Variants in DOCK9 observed in about 807,000 individuals in gnomAD.
The protein encoded by DOCK9 is dedicator of cytokinesis 9.
In DOCK9, 89 loss-of-function variants were observed where a neutral mutation model predicts 263.3. The ratio of observed to expected loss-of-function variants is 0.34; its 90% CI spans 0.28 to 0.40. DOCK9 has a LOEUF of 0.40. Among genes scored for constraint, DOCK9 ranks in the 10% least tolerant of loss-of-function variants. DOCK9 has a pLI of 1.00. For missense variants in DOCK9, 2,140 were observed against 2,603.4 expected, an observed-to-expected ratio of 0.82 and a Z score of 3.87; for synonymous variants, 976 against 973.1, an observed-to-expected ratio of 1.00 and a Z score of -0.06.
At chr13:98,933,980 C>T (rs1268561574) in intron 2 of DOCK9, among the ~76,000 whole-genome samples, 4 of 152,006 alleles carry the variant, frequency 2.6e-5, no homozygotes, top group East Asian at 3.9e-4. Context: ...TCAGTGCAAC[C>T]TTGCCGTTCT....
chr13:98,807,348 T>A (rs2090846389), intron 48 of DOCK9, among the ~76,000 whole-genome samples: 1 of 152,188 alleles, frequency 6.6e-6, no homozygotes, highest in African/African-American at 2.4e-5. Context: ...CAGGAAGAGG[T>A]GCAGTGAGTA....
rs1277987864 is a variant in DOCK9 at position 98,888,693 on chromosome 13, C to T, written c.1728G>A (p.Lys576=). The T allele has an allele frequency of 6.8e-6, 11 of 1,613,668 alleles. No homozygotes were observed. The highest frequency in any genetic ancestry group is 8.5e-6 in the Non-Finnish European group (10 of 1,179,780). ...ADFRKPEKMA[K]LPVILGNLDI... ...CTAGATTGCCTAAAATCACTGGGAG[C>T]TTAGCCATCTTCTCAGGTCTGCAAA... The change falls in exon 16 of 53, where the codon AAG becomes AAA. Residue 576 remains lysine (K), a synonymous_variant. Transcript: ENST00000682017.
intron 9 of DOCK9, among the ~76,000 whole-genome samples, chr13:98,911,859 TACATTAAAAAAACAC>T (rs1388530799): frequency 6.9e-6 from 1 of 144,156 alleles, no homozygotes; most frequent in African/African-American, 2.6e-5. Flanking sequence ...TCAATTCTAT[TACATTAAAAAAACAC>T]TTTTTTTTTT....
At chr13:98,975,235 T>C (rs956656949) in intron 1 of DOCK9, among the ~76,000 whole-genome samples, 1 of 151,462 alleles carries the variant, frequency 6.6e-6, no homozygotes, top group Admixed American at 6.6e-5. Flanking sequence ...AAAAATTAGC[T>C]GGGCATGGTG....
intron 2 of DOCK9, among the ~76,000 whole-genome samples, chr13:98,947,955 T>C (rs922637830): frequency 2.1e-4 from 32 of 152,322 alleles, no homozygotes; most frequent in South Asian, 6.2e-4. Flanking sequence ...AAAGAACACT[T>C]TTCAATAAAA....
At chr13:98,861,700 A>C (rs1418949551) in intron 32 of DOCK9, among the ~76,000 whole-genome samples, 1 of 152,252 alleles carries the variant, frequency 6.6e-6, no homozygotes, top group Non-Finnish European at 1.5e-5. Flanking sequence ...CAATCATATG[A>C]AAGGTACCAG....
In DOCK9 at chr13:98,796,341, G is replaced by A. The variant is rs568767439; in HGVS notation, c.6156+774C>T. ...ATAGGATCACTCCACAAACGGCCCT[G>A]GCTTCCACTGTGCCAGACTGAAGGA... On this transcript the variant is annotated intron_variant, in intron 52 of 52. Transcript: ENST00000682017. 1.7e-5 allele frequency: 13 copies of A among 760,900 alleles called. No individual in the cohort carries two copies. The East Asian group carries it at 2.7e-4, about 16-fold the overall frequency. 47.1% of individuals were successfully genotyped at this position (760,900 alleles called of 1,614,324 possible). A position where few individuals can be genotyped will look rare whatever the true frequency, so the allele number is the denominator to read the frequency against.
Position 98,824,518 on chromosome 13 carries a change from A to G in DOCK9, c.5024-14T>C, listed in dbSNP as rs1474890814. 1.9e-6 allele frequency: 3 copies of G among 1,611,596 alleles called. No homozygotes were observed. Among genetic ancestry groups the G allele is most frequent in the Non-Finnish European group, 1.7e-6 (2 of 1,178,034 alleles). Reference sequence around the variant, plus strand: ...GTCTAAACACGCCTAGGAAGAGAGGAAGGAGGGACAGTCAGAGTTAGGAAC... The same window carrying G: ...GTCTAAACACGCCTAGGAAGAGAGGGAGGAGGGACAGTCAGAGTTAGGAAC... On this transcript the variant is annotated splice_polypyrimidine_tract_variant and intron_variant, in intron 44 of 52. Transcript: ENST00000682017.
intron 18 of DOCK9, among the ~76,000 whole-genome samples, chr13:98,887,230 G>A (rs2045905011): frequency 6.9e-6 from 1 of 145,662 alleles, no homozygotes; most frequent in Admixed American, 7.0e-5. Context: ...AAACAATTTG[G>A]GTTATGGAGC....
chr13:98,884,853 T>C, intron 21 of DOCK9, 118 bp downstream of exon 21: 1 of 1,216,880 alleles, frequency 8.2e-7, no homozygotes, highest in Non-Finnish European at 1.1e-6. Context: ...GAATAACTAA[T>C]ATCAAAATGG....
At chr13:98,810,518 C>T (rs2091211190) in intron 45 of DOCK9, among the ~76,000 whole-genome samples, 1 of 151,910 alleles carries the variant, frequency 6.6e-6, no homozygotes, top group African/African-American at 2.4e-5. Flanking sequence ...TGGTCACAAG[C>T]AAAAACGAAA....
rs1950041689 is a variant in DOCK9 at position 99,086,409 on chromosome 13, G to C, written c.-58C>G. On this transcript the variant is annotated 5_prime_UTR_variant, in exon 1 of 33. Transcript: ENST00000427887. ...CTCCCGCGGCCCGGCCCGGCCGCGCGGCCGCCAGGTGCGCCCTCGGCGCCC... is the reference window on the plus strand; with the variant it reads ...CTCCCGCGGCCCGGCCCGGCCGCGCCGCCGCCAGGTGCGCCCTCGGCGCCC... 1.8e-4 allele frequency: 182 copies of C among 993,940 alleles called. 4 individuals carry two copies. In the South Asian group the frequency reaches 7.3e-3, roughly 40 times the overall value. 61.6% of individuals were successfully genotyped at this position (993,940 alleles called of 1,614,324 possible).
intron 2 of DOCK9, among the ~76,000 whole-genome samples, chr13:98,935,607 A>G (rs2054686315): frequency 6.6e-6 from 1 of 152,182 alleles, no homozygotes; most frequent in African/African-American, 2.4e-5. Flanking sequence ...CATCTCTACC[A>G]AAAATACAAA....
At chr13:98,796,456 T>G (rs1346325540) in intron 52 of DOCK9, among the ~76,000 whole-genome samples, 1 of 151,986 alleles carries the variant, frequency 6.6e-6, no homozygotes, top group Non-Finnish European at 1.5e-5. Context: ...GACAGACCCC[T>G]CACAAAAAAA....
chr13:99,027,467 AACACC>A (rs1226740223), intron 1 of DOCK9, among the ~76,000 whole-genome samples: 44 of 152,328 alleles, frequency 2.9e-4, no homozygotes, highest in Admixed American at 2.0e-3. Flanking sequence ...AGCCAATGCG[AACACC>A]ACGTGGAGTG....
At chr13:99,051,868 A>AAC in intron 1 of DOCK9, among the ~76,000 whole-genome samples, 1 of 151,848 alleles carries the variant, frequency 6.6e-6, no homozygotes, top group African/African-American at 2.4e-5. Flanking sequence ...AAAAAAAAAA[A>AAC]AAAAAAAAAT....
intron 1 of DOCK9, among the ~76,000 whole-genome samples, chr13:99,019,971 G>A (rs1595921442): frequency 6.6e-6 from 1 of 152,272 alleles, no homozygotes; most frequent in East Asian, 1.9e-4. Flanking sequence ...GCATGGTGGT[G>A]TGCACCTGTA....
chr13:98,871,025 A>G (rs2094172016), intron 27 of DOCK9, among the ~76,000 whole-genome samples: 1 of 152,212 alleles, frequency 6.6e-6, no homozygotes, highest in Admixed American at 6.5e-5. Flanking sequence ...AAACCCAACT[A>G]TAGGATGACA....
chr13:99,008,010 T>C (rs1181014587), intron 1 of DOCK9, among the ~76,000 whole-genome samples: 1 of 152,062 alleles, frequency 6.6e-6, no homozygotes, highest in Non-Finnish European at 1.5e-5. Context: ...TGTATAAATG[T>C]TTAAAGTATA....
Sources: allele counts gnomAD v4.1 joint callset (sites outside exome capture counted in the v4.1 genomes callset), GRCh38; gene constraint gnomAD v4.1.1; transcripts MANE v1.5; gene names NCBI Gene and HGNC (gene_info 2026-07-23, HGNC 2026-07-21).